FAM13C: variants seen among roughly 807,000 people sequenced by gnomAD.
The protein encoded by FAM13C is protein FAM13C.
FAM13C carries 37 observed loss-of-function variants against 73.2 expected under a neutral mutation model. The ratio of observed to expected loss-of-function variants is 0.51; its 90% CI spans 0.39 to 0.67. FAM13C has a LOEUF of 0.67. FAM13C is among the 30% of genes least tolerant of loss of function. The pLI, the probability that FAM13C is intolerant of heterozygous loss-of-function variation, is 0.00. For synonymous variants in FAM13C, 246 were observed against 260.9 expected (o/e 0.94, Z 0.55); for missense variants, 589 against 715.6 (o/e 0.82, Z 2.02).
intron 6 of FAM13C, among the ~76,000 whole-genome samples, chr10:59,275,891 T>A (rs1844273160): frequency 6.6e-6 from 1 of 152,190 alleles, no homozygotes; most frequent in South Asian, 2.1e-4. Flanking sequence ...AGGACTGATA[T>A]TTCCTTCCTA....
At chr10:59,317,404 G>T (rs1000848434) in intron 4 of FAM13C, among the ~76,000 whole-genome samples, 1 of 152,132 alleles carries the variant, frequency 6.6e-6, no homozygotes, top group Non-Finnish European at 1.5e-5. Context: ...GTTAAGCCAA[G>T]AAACTTTCCA....
chr10:59,308,461 GCCA>G (rs1183971433), intron 4 of FAM13C, among the ~76,000 whole-genome samples: 3 of 143,094 alleles, frequency 2.1e-5, no homozygotes, highest in African/African-American at 7.8e-5. Context: ...CATCACCATT[GCCA>G]CCATCACTAC....
chr10:59,253,999 A>T (rs1434782674), intron 11 of FAM13C: 10 of 279,594 alleles, frequency 3.6e-5, no homozygotes, highest in Non-Finnish European at 4.6e-5. Flanking sequence ...AAATTAACCA[A>T]CACACAGAAC....
Position 59,246,688 on chromosome 10 carries a change from C to A in FAM13C, c.*926G>T, listed in dbSNP as rs1476224641. ...CAATTTCCAAACTTTTCATTTTGTA[C>A]AGAAGGATGAATAACTACAGCTCAT... is the stretch of plus-strand genomic sequence containing the variant. On this transcript the variant is annotated 3_prime_UTR_variant, in exon 14 of 14. Transcript: ENST00000618804. The A allele has an allele frequency of 5.0e-6, 2 of 397,278 alleles. No individual in the cohort carries two copies. The highest frequency in any genetic ancestry group is 8.9e-6 in the Non-Finnish European group (2 of 225,244). 24.6% of individuals were successfully genotyped at this position (397,278 alleles called of 1,614,324 possible). A position where few individuals can be genotyped will look rare whatever the true frequency, so the allele number is the denominator to read the frequency against.
At position 59,329,342 on chromosome 10, in the gene FAM13C, G is replaced by GTTTTTTTTTTTTTTTTTTTTTTTT. The variant is rs71006247; in HGVS notation, c.325-5260_325-5237dup. ...TTTTTTCTTTTTTTCTTTCTTTCTG[G>GTTTTTTTTTTTTTTTTTTTTTTTT]TTTTTTTTTTTTTTTTTTTTTTTTT... On this transcript the variant is annotated intron_variant, in intron 3 of 13. Transcript: ENST00000618804. 5.2e-5 allele frequency among the ~76,000 whole-genome samples: 4 copies of GTTTTTTTTTTTTTTTTTTTTTTTT among 77,310 alleles called. 1 individual carries two copies. Among genetic ancestry groups the GTTTTTTTTTTTTTTTTTTTTTTTT allele is most frequent in the Non-Finnish European group, 9.9e-5 (4 of 40,292 alleles). 50.7% of individuals were successfully genotyped at this position (77,310 alleles called of 152,430 possible).
intron 3 of FAM13C, among the ~76,000 whole-genome samples, chr10:59,346,934 C>G (rs1970188): frequency 0.7 from 106,984 of 151,952 alleles, 38,271 homozygotes; most frequent in East Asian, 0.83. Flanking sequence ...AGGAGTTTAT[C>G]CTTAGCACCA....
intron 6 of FAM13C, among the ~76,000 whole-genome samples, chr10:59,270,913 A>C (rs1370352476): frequency 6.6e-6 from 1 of 152,166 alleles, no homozygotes; most frequent in African/African-American, 2.4e-5. Flanking sequence ...CTGTCCCTGA[A>C]TTCTCACTAG....
intron 3 of FAM13C, among the ~76,000 whole-genome samples, chr10:59,349,299 G>T (rs1474533400): frequency 1.3e-5 from 2 of 152,166 alleles, no homozygotes; most frequent in Non-Finnish European, 2.9e-5. Context: ...AATCTCAAGA[G>T]CCTCATAGTA....
intron 4 of FAM13C, among the ~76,000 whole-genome samples, chr10:59,320,768 T>C (rs555956800): frequency 6.6e-6 from 1 of 152,348 alleles, no homozygotes; most frequent in South Asian, 2.1e-4. Context: ...TGGCCACCTT[T>C]GGCCACAACT....
chr10:59,292,168 C>T (rs772821891), intron 5 of FAM13C, among the ~76,000 whole-genome samples: 48 of 152,104 alleles, frequency 3.2e-4, no homozygotes, highest in Non-Finnish European at 4.6e-4. Flanking sequence ...ATGTGTCTCA[C>T]TTACAACTCA....
Position 59,265,322 on chromosome 10 carries a change from CG to C in FAM13C, c.943-1157del, listed in dbSNP as rs1554811319. Among the ~76,000 whole-genome samples the C allele has an allele frequency of 6.8e-4, 12 of 17,526 alleles. 1 individual carries two copies. Among genetic ancestry groups the C allele is most frequent in the African/African-American group, 3.6e-3 (9 of 2,466 alleles). The allele number at this position is 17,526 out of a possible 152,430, so 11.5% of individuals were successfully genotyped here. A position where few individuals can be genotyped will look rare whatever the true frequency, so the allele number is the denominator to read the frequency against. On this transcript the variant is annotated intron_variant, in intron 8 of 13. Transcript: ENST00000618804. Reference sequence around the variant, plus strand: ...CAGAGGGATAGGGAAGGGGTTTTGGCGGGGGGGGGGGGGAATCCTGGTTTCA... The same window carrying C: ...CAGAGGGATAGGGAAGGGGTTTTGGCGGGGGGGGGGGGAATCCTGGTTTCA...
chr10:59,293,549 A>G (rs1846536375), intron 5 of FAM13C, among the ~76,000 whole-genome samples: 1 of 152,160 alleles, frequency 6.6e-6, no homozygotes, highest in South Asian at 2.1e-4. Context: ...TAAGTACCAT[A>G]TTTTCTTTAT....
intron 6 of FAM13C, 89 bp downstream of exon 6, chr10:59,283,274 C>G (rs1365247223): frequency 1.4e-6 from 2 of 1,399,298 alleles, no homozygotes; most frequent in Admixed American, 3.4e-5. Flanking sequence ...CACTGTTTTC[C>G]CTCAGGGGCT....
At chr10:59,306,257 A>AT (rs1282132876) in intron 4 of FAM13C, among the ~76,000 whole-genome samples, 2 of 152,164 alleles carry the variant, frequency 1.3e-5, no homozygotes, top group African/African-American at 4.8e-5. Flanking sequence ...AATATATGGT[A>AT]TATATTAGTG....
At chr10:59,302,691 G>C in intron 5 of FAM13C, 110 bp downstream of exon 5, 2 of 1,030,378 alleles carry the variant, frequency 1.9e-6, no homozygotes, top group East Asian at 4.8e-5. Context: ...TCACTTAAAA[G>C]CAAAAATACT....
At chr10:59,325,076 T>C (rs1260064254) in intron 3 of FAM13C, among the ~76,000 whole-genome samples, 3 of 151,730 alleles carry the variant, frequency 2.0e-5, no homozygotes, top group Non-Finnish European at 4.4e-5. Context: ...ATAAATGAGA[T>C]ACTAAAACAA....
intron 10 of FAM13C, among the ~76,000 whole-genome samples, chr10:59,255,294 G>GA (rs1235734889): frequency 6.6e-6 from 1 of 152,002 alleles, no homozygotes; most frequent in Non-Finnish European, 1.5e-5. Flanking sequence ...ATCCTTCCCT[G>GA]AAAAAAATGT....
intron 1 of FAM13C, among the ~76,000 whole-genome samples, chr10:59,361,935 G>A (rs1856469483): frequency 6.6e-6 from 1 of 152,094 alleles, no homozygotes; most frequent in African/African-American, 2.4e-5. Flanking sequence ...ACTCTGATAT[G>A]CCTTAAAAAT....
chr10:59,314,942 TA>T (rs1204112799), intron 4 of FAM13C, among the ~76,000 whole-genome samples: 1 of 152,222 alleles, frequency 6.6e-6, no homozygotes, highest in Non-Finnish European at 1.5e-5. Flanking sequence ...CCAAGTGACC[TA>T]AACCACAAAG....
Sources: gnomAD v4.1 joint callset for allele counts (sites outside exome capture counted in the v4.1 genomes callset) on GRCh38, gnomAD v4.1.1 for gene constraint, MANE v1.5 for transcripts, NCBI Gene and HGNC (gene_info 2026-07-23, HGNC 2026-07-21) for gene names.